ANK3: variants seen among roughly 807,000 people sequenced by gnomAD.
ANK3 encodes the protein ankyrin 3, also known as ankyrin-3.
Under a neutral mutation model 370.9 loss-of-function variants are expected in ANK3, and 57 were observed. The ratio of observed to expected loss-of-function variants is 0.15; its 90% confidence interval spans 0.12 to 0.19. The LOEUF is 0.19. Among genes scored for constraint, ANK3 ranks in the 10% least tolerant of loss-of-function variants. ANK3 has a pLI of 1.00. For missense variants in ANK3, 4,439 were observed against 5,302.1 expected (o/e 0.84, Z 5.06); for synonymous variants, 1,929 against 1,946.3 (o/e 0.99, Z 0.23).
At chr10:60,222,226 C>T (rs1478013634) in intron 8 of ANK3, among the ~76,000 whole-genome samples, 3 of 152,176 alleles carry the variant, frequency 2.0e-5, no homozygotes, top group African/African-American at 7.2e-5. Context: ...ATCAATGATG[C>T]GACTGCCTGG....
intron 9 of ANK3, 21 bp from the exon 10 acceptor site, chr10:60,208,254 A>G: frequency 6.2e-7 from 1 of 1,609,356 alleles, no homozygotes; most frequent in Non-Finnish European, 8.5e-7. Context: ...TAAAGAAATC[A>G]GAGTTCATTC....
At chr10:60,356,227 G>A (rs1473486038) in intron 1 of ANK3, among the ~76,000 whole-genome samples, 1 of 152,124 alleles carries the variant, frequency 6.6e-6, no homozygotes, top group Non-Finnish European at 1.5e-5. Context: ...GACACCCTCT[G>A]TTGTTAAACA....
intron 1 of ANK3, among the ~76,000 whole-genome samples, chr10:60,289,449 G>C (rs543535722): frequency 6.7e-6 from 1 of 150,034 alleles, no homozygotes; most frequent in South Asian, 2.1e-4. Flanking sequence ...TCTCACTCTC[G>C]CACCCAGGCT....
intron 2 of ANK3, among the ~76,000 whole-genome samples, chr10:60,488,205 A>C (rs11812654): frequency 0.081 from 12,266 of 152,190 alleles, 634 homozygotes; most frequent in South Asian, 0.17. Flanking sequence ...TTTGCATGTC[A>C]GCCAATTAAA....
At chr10:60,287,078 C>T (rs2040183748) in intron 1 of ANK3, among the ~76,000 whole-genome samples, 2 of 152,022 alleles carry the variant, frequency 1.3e-5, no homozygotes, top group Admixed American at 1.3e-4. Context: ...GGGGGCTCAC[C>T]ATTTGGAGCC....
intron 42 of ANK3, chr10:60,043,756 GC>G: frequency 1.0e-6 from 1 of 985,410 alleles, no homozygotes; most frequent in Non-Finnish European, 1.2e-6. Context: ...CCTGGGTGGG[GC>G]TGAAGCACTG....
In ANK3 at chr10:60,222,253, G is replaced by C. The variant is rs560902773; in HGVS notation, c.898-8743C>G. ...ACTGCCTGGCTGCACAGGCAGCGCT[G>C]GCCCAGCTGCTGGGACATTGACAGG... On this transcript the variant is annotated intron_variant, in intron 8 of 43. Transcript: ENST00000280772. Among the ~76,000 whole-genome samples, 369 of 152,254 alleles carry C rather than the reference G, an allele frequency of 2.4e-3. 1 individual carries two copies. The highest frequency in any genetic ancestry group is 8.5e-3 in the African/African-American group (354 of 41,548).
At chr10:60,732,299 C>T (rs2080034486) in intron 1 of ANK3, among the ~76,000 whole-genome samples, 1 of 152,190 alleles carries the variant, frequency 6.6e-6, no homozygotes, top group Admixed American at 6.5e-5. Context: ...TCTCAGGAAC[C>T]TTTCCCTAGC....
chr10:60,039,314 G>A (rs573275220), intron 43 of ANK3, among the ~76,000 whole-genome samples: 6 of 152,328 alleles, frequency 3.9e-5, no homozygotes, highest in Non-Finnish European at 7.3e-5. Flanking sequence ...TTAGAATACA[G>A]TATGTGTCAT....
intron 2 of ANK3, among the ~76,000 whole-genome samples, chr10:60,493,931 C>T (rs1472089478): frequency 6.6e-6 from 1 of 152,112 alleles, no homozygotes; most frequent in Admixed American, 6.5e-5. Context: ...ACTTCCCTTC[C>T]ACCTTACTAC....
At chr10:60,188,060 T>G (rs2096389771) in intron 16 of ANK3, among the ~76,000 whole-genome samples, 1 of 152,218 alleles carries the variant, frequency 6.6e-6, no homozygotes, top group Admixed American at 6.5e-5. Flanking sequence ...AAATATACAT[T>G]TCTTAAGGGC....
intron 1 of ANK3, among the ~76,000 whole-genome samples, chr10:60,652,870 G>T (rs2078809851): frequency 6.6e-6 from 1 of 152,078 alleles, no homozygotes; most frequent in African/African-American, 2.4e-5. Flanking sequence ...GACCAGATAG[G>T]AGGTGGAGTC....
rs72821002 is a variant in ANK3, at chr10:60,539,888, G to T, written c.96+75298C>A. ...TGATAGATACGTTTTCTTATACCAC[G>T]AAGCTAATATTCTAGTGGGAGAAAA... On this transcript the variant is annotated intron_variant, in intron 2 of 43. Coordinates refer to the ANK3 transcript ENST00000373827. 5.4e-3 allele frequency among the ~76,000 whole-genome samples: 825 copies of T among 151,930 alleles called. 4 individuals carry two copies. The highest frequency in any genetic ancestry group is 0.01 in the Middle Eastern group (3 of 294).
At chr10:60,315,757 T>C (rs1359695539) in intron 1 of ANK3, among the ~76,000 whole-genome samples, 3 of 152,160 alleles carry the variant, frequency 2.0e-5, no homozygotes, top group African/African-American at 7.2e-5. Context: ...TTCTTCCTCA[T>C]CTCAGCAATT....
At chr10:60,585,590 A>G (rs1338931201) in intron 2 of ANK3, among the ~76,000 whole-genome samples, 2 of 152,210 alleles carry the variant, frequency 1.3e-5, no homozygotes, top group Admixed American at 1.3e-4. Context: ...CTACCTCTAA[A>G]TGAGAGATAT....
intron 1 of ANK3, chr10:60,300,427 A>G (rs1428865498): frequency 2.3e-6 from 3 of 1,288,966 alleles, no homozygotes; most frequent in Non-Finnish European, 3.0e-6. Flanking sequence ...ATCTAAAAAT[A>G]TCTGCCTTCG....
intron 1 of ANK3, among the ~76,000 whole-genome samples, chr10:60,728,123 T>C (rs2079968644): frequency 6.6e-6 from 1 of 152,170 alleles, no homozygotes; most frequent in South Asian, 2.1e-4. Flanking sequence ...TTTTTTCTTT[T>C]AGGGACATTT....
intron 1 of ANK3, among the ~76,000 whole-genome samples, chr10:60,650,564 T>C (rs1376983842): frequency 6.6e-6 from 1 of 152,176 alleles, no homozygotes; most frequent in Non-Finnish European, 1.5e-5. Context: ...CTAATATGCA[T>C]AATTGTGACA....
At position 60,043,299 on chromosome 10, in the gene ANK3, A is replaced by T. The variant is rs541232849; in HGVS notation, c.13066-540T>A. On this transcript the variant is annotated intron_variant, in intron 42 of 43. Coordinates refer to ENST00000280772, the MANE Select transcript of ANK3 (RefSeq NM_020987.5). ...TCCCCGAGAGCAAGGTTGTGGCACA[A>T]ATACTCAGTTTTTACCCAATTTTTA... 3.0e-6 allele frequency: 3 copies of T among 985,364 alleles called. No individual in the cohort carries two copies. The Admixed American group carries it at 1.8e-4, about 61-fold the overall frequency. 61.0% of individuals were successfully genotyped at this position (985,364 alleles called of 1,614,324 possible). A position where few individuals can be genotyped will look rare whatever the true frequency, so the allele number is the denominator to read the frequency against.
Sources: allele counts gnomAD v4.1 joint callset (sites outside exome capture counted in the v4.1 genomes callset), GRCh38; gene constraint gnomAD v4.1.1; transcripts MANE v1.5; gene names NCBI Gene and HGNC (gene_info 2026-07-23, HGNC 2026-07-21).